The following CHTF18 variants were observed in gnomAD, a reference collection of about 807,000 sequenced individuals.
CHTF18 encodes chromosome transmission fidelity factor 18.
A neutral mutation model predicts 113.4 loss-of-function variants in CHTF18; 151 were observed. The observed-to-expected ratio is 1.33, with a 90% CI of 1.17 to 1.52. The LOEUF (loss-of-function observed/expected upper bound fraction) is 1.52. CHTF18 is among the 40% of genes most tolerant of loss of function. The pLI is 0.00. For synonymous variants in CHTF18, 916 were observed against 598.8 expected (o/e 1.53, Z -7.74); for missense variants, 1,982 against 1,381.6 (o/e 1.43, Z -6.89).
intron 15 of CHTF18, chr16:794,733 C>T (rs953105578): frequency 2.9e-5 from 7 of 245,320 alleles, no homozygotes; most frequent in South Asian, 6.8e-5. Flanking sequence ...GACTCCCCCA[C>T]GGAACAGGGG....
At chr16:790,434 T>C (rs367913711) in intron 6 of CHTF18, 35 bp downstream of exon 6, 215 of 1,611,618 alleles carry the variant, frequency 1.3e-4, no homozygotes, top group Non-Finnish European at 1.7e-4. Context: ...TGGGGACCCT[T>C]GTTGGCTCTT....
At position 795,764 on chromosome 16, in the gene CHTF18, C is replaced by A; in HGVS notation, c.2255C>A (p.Ala752Asp). 1 of 1,609,288 alleles carries A rather than the reference C, an allele frequency of 6.2e-7. No homozygotes were observed. Among genetic ancestry groups the A allele is most frequent in the Non-Finnish European group, 8.5e-7 (1 of 1,178,830 alleles). The part of the protein sequence containing the change: ...SGIAPATRSR[A>D]TPQALLLDAL... ...ATCGCGCCAGCCACGCGCAGCCGGG[C>A]CACGCCCCAGGCCCTGCTCCTCGAT... The change falls in exon 17 of 22, where the codon GCC becomes GAC. Residue 752 changes from alanine (A) to aspartate (D), a missense_variant. Transcript: ENST00000262315.
In CHTF18 at chr16:795,959, C is replaced by G. The variant is rs1390822283; in HGVS notation, c.2338C>G (p.Leu780Val). The G allele has an allele frequency of 6.2e-7, 1 of 1,609,644 alleles. No individual in the cohort carries two copies. The highest frequency in any genetic ancestry group is 1.1e-5 in the South Asian group (1 of 90,398). The change falls in exon 18 of 22, where the codon CTG becomes GTG. Residue 780 changes from leucine (L) to valine (V), a missense_variant. Physicochemically the swap from Leu to Val is conservative, Grantham distance 32. Transcript: ENST00000262315. ...TCCCATCCCCTAGGTGAGCACACAG[C>G]TGTACAGCACCCGTGAAAAGCAACA... Reference protein sequence around the residue: ...APKLRPVSTQLYSTREKQQLA... With the variant: ...APKLRPVSTQVYSTREKQQLA...
chr16:793,109 G>C lies in CHTF18; in HGVS notation c.1672-35G>C, dbSNP rs530404034. ...CGGGTGGGGTGGGGTGGGGTCAGGA[G>C]TTGGCCGCTTCTCATGCCCCCGCCC... On this transcript the variant is annotated intron_variant, in intron 13 of 21. Transcript: ENST00000262315. The C allele has an allele frequency of 3.8e-6, 6 of 1,566,388 alleles. No homozygotes were observed. The Admixed American group carries it at 9.2e-5, about 24-fold the overall frequency.
chr16:789,136 G>C lies in CHTF18; in HGVS notation c.286+11G>C. ...GGTCCCTGCCCCACGGTAGGTTGGC[G>C]GCATTGCCCCAGGGCCTCCGGAGTG... On this transcript the variant is annotated intron_variant, in intron 2 of 21. Transcript: ENST00000262315. The C allele has an allele frequency of 6.5e-7, 1 of 1,546,326 alleles. No homozygotes were observed. The highest frequency in any genetic ancestry group is 8.7e-7 in the Non-Finnish European group (1 of 1,145,240).
intron 14 of CHTF18, 80 bp downstream of exon 14, chr16:793,354 C>G (rs2042254576): frequency 6.6e-7 from 1 of 1,521,366 alleles, no homozygotes; most frequent in South Asian, 1.2e-5. Context: ...CAGGCCAGCA[C>G]TACCTTCGAG....
chr16:788,812 G>T, intron 1 of CHTF18, 37 bp downstream of exon 1: 1 of 1,568,828 alleles, frequency 6.4e-7, no homozygotes, highest in East Asian at 2.4e-5. Flanking sequence ...GAGGAGCTGC[G>T]AAAGCCGGGA....
chr16:789,228 C>T lies in CHTF18; in HGVS notation c.305C>T (p.Pro102Leu), dbSNP rs1479834350. Residue 102 changes from proline to leucine, a missense_variant, in exon 3 of 22, where the codon CCT becomes CTT. Physicochemically the swap from Pro to Leu is moderately conservative, Grantham distance 98 (BLOSUM62 -3). Transcript: ENST00000262315. ...SLPHAPRIKRPRLQVVKRLNF... is the reference protein window; with the variant it reads ...SLPHAPRIKRLRLQVVKRLNF... ...CCCCCAGCCCCCAGGATCAAACGGC[C>T]TAGGCTGCAGGTGGTCAAGAGGCTG... is the stretch of plus-strand genomic sequence containing the variant. 5 of 1,552,574 alleles carry T rather than the reference C, an allele frequency of 3.2e-6. No homozygotes were observed. The highest frequency in any genetic ancestry group is 3.5e-6 in the Non-Finnish European group (4 of 1,148,434).
In CHTF18 at chr16:792,264, G is replaced by T; in HGVS notation, c.1243G>T (p.Ala415Ser). ...GGAGGTCTTCCGCACACGCATCGAG[G>T]CGGCCACCCAGATGGAGTCGGTGCT... The part of the protein sequence containing the change: ...SPEVFRTRIE[A>S]ATQMESVLGA... Residue 415 changes from alanine to serine, a missense_variant, in exon 10 of 22, where the codon GCG becomes TCG. Coordinates refer to ENST00000262315, the MANE Select transcript of CHTF18 (RefSeq NM_022092.3). 1.3e-6 allele frequency: 2 copies of T among 1,564,562 alleles called. No homozygotes were observed. Among genetic ancestry groups the T allele is most frequent in the Non-Finnish European group, 1.7e-6 (2 of 1,155,574 alleles).
intron 7 of CHTF18, 114 bp downstream of exon 7, chr16:790,780 G>A (rs1235445790): frequency 1.4e-6 from 2 of 1,437,430 alleles, no homozygotes; most frequent in South Asian, 1.5e-5. Context: ...GACGGAGTGG[G>A]CTCTGGTTTG....
In CHTF18 at chr16:797,053, G is replaced by A. The variant is rs2042369897; in HGVS notation, c.2694G>A (p.Arg898=). 7.7e-6 allele frequency: 12 copies of A among 1,558,216 alleles called. No individual in the cohort carries two copies. The highest frequency in any genetic ancestry group is 1.0e-5 in the Non-Finnish European group (12 of 1,152,926). ...HRPAPRNHEQ[R]LEHIMRRAAR... Reference sequence around the variant, plus strand: ...CTGCCCCACGCAACCATGAGCAGCGGCTGGAGCACATCATGAGGCGAGCGG... The same window carrying A: ...CTGCCCCACGCAACCATGAGCAGCGACTGGAGCACATCATGAGGCGAGCGG... Residue 898 remains arginine (R), a synonymous_variant, in exon 20 of 22, where the codon CGG becomes CGA. Transcript: ENST00000262315.
At chr16:790,982 C>CCGTGGGGGTG in intron 7 of CHTF18, 179 bp from the exon 8 acceptor site, 2 of 1,450,236 alleles carry the variant, frequency 1.4e-6, no homozygotes. Context: ...GTGGCCAGAG[C>CCGTGGGGGTG]CGTGGGGGTG....
In CHTF18 at chr16:789,835, C is replaced by T. The variant is rs1325375749; in HGVS notation, c.606+120C>T. On this transcript the variant is annotated intron_variant, in intron 4 of 21. Coordinates refer to ENST00000262315, the MANE Select transcript of CHTF18 (RefSeq NM_022092.3). ...GGTCCTGTGCAGAGCCCCAGGGGTG[C>T]AGAGGGGGAGGCTGCGTCATGGGGC... is the stretch of plus-strand genomic sequence containing the variant. 16 of 1,352,658 alleles carry T rather than the reference C, an allele frequency of 1.2e-5. 1 individual carries two copies. Among genetic ancestry groups the T allele is most frequent in the South Asian group, 1.4e-5 (1 of 71,178 alleles). 83.8% of individuals were successfully genotyped at this position (1,352,658 alleles called of 1,614,324 possible).
intron 12 of CHTF18, 63 bp from the exon 13 acceptor site, chr16:792,903 C>T (rs1397563686): frequency 2.6e-6 from 4 of 1,532,232 alleles, no homozygotes; most frequent in African/African-American, 1.4e-5. Context: ...CCCCATGGAA[C>T]CCTGGTAACC....
rs1409269175 is a variant in CHTF18, at chr16:792,659, C to G, written c.1479-59C>G. On this transcript the variant is annotated intron_variant, in intron 11 of 21. Transcript: ENST00000262315. ...CCTGGAGGGAGGGTTCCGGCCCGTC[C>G]CTGTGTCCTGGGCTGTGGTGCCAAC... The G allele has an allele frequency of 2.5e-6, 4 of 1,589,030 alleles. No individual in the cohort carries two copies. In the African/African-American group the frequency reaches 4.0e-5, roughly 16 times the overall value.
In CHTF18 at chr16:791,305, C is replaced by G; in HGVS notation, c.1039C>G (p.His347Asp). The G allele has an allele frequency of 6.2e-7, 1 of 1,610,616 alleles. No individual in the cohort carries two copies. The highest frequency in any genetic ancestry group is 8.5e-7 in the Non-Finnish European group (1 of 1,179,572). ...EATAPGKWKS[H>D]EQVLEEMLEA... ...CACAGCCCCAGGCAAGTGGAAGAGC[C>G]ACGAACAGGTGCTGGAGGAGATGCT... Residue 347 changes from histidine (H) to aspartate (D), a missense_variant, in exon 8 of 22, where the codon CAC becomes GAC. His to Asp is a moderately conservative substitution (Grantham distance 81). Transcript: ENST00000262315.
chr16:796,092 G>T lies in CHTF18; in HGVS notation c.2456+15G>T. ...AGGCTGGAGCCGTGAGTCCCCCAGT[G>T]CCTGGGGTGTGCTCCAGGGTCATGC... On this transcript the variant is annotated intron_variant, in intron 18 of 21. Coordinates refer to ENST00000262315, the MANE Select transcript of CHTF18 (RefSeq NM_022092.3). The T allele has an allele frequency of 6.3e-7, 1 of 1,594,238 alleles. No individual in the cohort carries two copies. Among genetic ancestry groups the T allele is most frequent in the Non-Finnish European group, 8.5e-7 (1 of 1,171,648 alleles).
In CHTF18 at chr16:792,439, G is replaced by A. The variant is rs752535678; in HGVS notation, c.1327G>A (p.Ala443Thr). The A allele has an allele frequency of 1.3e-6, 2 of 1,561,362 alleles. No homozygotes were observed. The highest frequency in any genetic ancestry group is 8.7e-7 in the Non-Finnish European group (1 of 1,153,188). Reference protein sequence around the residue: ...VIDEIDGAPVAAINVLLSILN... With the variant: ...VIDEIDGAPVTAINVLLSILN... ...ACCGTGTCCTCTGACCTCCCCCAAG[G>A]CCGCCATCAACGTCCTCCTGAGCAT... The change falls in exon 11 of 22, where the codon GCC (alanine) becomes ACC (threonine). Residue 443 changes from alanine (A) to threonine (T), a missense_variant and splice_region_variant. Physicochemically the swap from Ala to Thr is moderately conservative, Grantham distance 58 (BLOSUM62 0). Coordinates refer to ENST00000262315, the MANE Select transcript of CHTF18 (RefSeq NM_022092.3).
At chr16:797,198 G>C in intron 20 of CHTF18, 106 bp downstream of exon 20, 5 of 1,339,458 alleles carry the variant, frequency 3.7e-6, no homozygotes, top group Non-Finnish European at 4.9e-6. Context: ...TGGGGCCAGG[G>C]TACCTTTGTG....
Sources: gnomAD v4.1 joint callset for allele counts on GRCh38, gnomAD v4.1.1 for gene constraint, MANE v1.5 for transcripts, NCBI Gene and HGNC (gene_info 2026-07-23, HGNC 2026-07-21) for gene names.